LPIN1: variants seen among roughly 807,000 people sequenced by gnomAD.
LPIN1 encodes phosphatidate phosphatase LPIN1.
In LPIN1, 71 loss-of-function variants were observed where a neutral mutation model predicts 107.5. The ratio of observed to expected loss-of-function variants is 0.66; its 90% CI spans 0.55 to 0.80. The LOEUF (loss-of-function observed/expected upper bound fraction) is 0.80, where lower values mean the gene tolerates loss of function less well. Ranked by LOEUF, LPIN1 falls within the 30% of genes least tolerant of loss-of-function variation. The pLI, the probability that LPIN1 is intolerant of heterozygous loss-of-function variation, is 0.00. For synonymous variants in LPIN1, 445 were observed against 452.6 expected (o/e 0.98, Z 0.21); for missense variants, 1,043 against 1,160.6 (o/e 0.90, Z 1.47).
intron 17 of LPIN1, 103 bp downstream of exon 17, chr2:11,805,259 G>C: frequency 1.1e-6 from 1 of 924,536 alleles, no homozygotes. Context: ...GACTTGCAGA[G>C]AGGGCTGCAC....
intron 1 of LPIN1, among the ~76,000 whole-genome samples, chr2:11,732,279 G>A (rs1312969093): frequency 1.6e-4 from 24 of 152,200 alleles, no homozygotes; most frequent in Admixed American, 1.6e-3. Flanking sequence ...ATTTATAACA[G>A]AAAGAAATAC....
At chr2:11,688,501 C>G (rs1662117760) in intron 1 of LPIN1, among the ~76,000 whole-genome samples, 1 of 152,134 alleles carries the variant, frequency 6.6e-6, no homozygotes, top group African/African-American at 2.4e-5. Context: ...TTTTTCAGGC[C>G]CCGCCTGTTC....
intron 2 of LPIN1, among the ~76,000 whole-genome samples, chr2:11,716,683 T>C (rs1017013415): frequency 6.6e-6 from 1 of 152,124 alleles, no homozygotes; most frequent in Admixed American, 6.5e-5. Context: ...TAATTCTCCA[T>C]GGACTGGAGA....
intron 1 of LPIN1, among the ~76,000 whole-genome samples, chr2:11,737,108 A>T (rs1479689884): frequency 1.3e-5 from 2 of 152,282 alleles, no homozygotes; most frequent in African/African-American, 4.8e-5. Flanking sequence ...GATCTTTGAC[A>T]AACCTGACAA....
At chr2:11,783,668 A>T (rs944437769) in intron 8 of LPIN1, among the ~76,000 whole-genome samples, 161 bp from the exon 9 acceptor site, 2 of 152,238 alleles carry the variant, frequency 1.3e-5, no homozygotes, top group African/African-American at 2.4e-5. Context: ...CTGTTTTACC[A>T]GACAAAATAG....
In LPIN1 at chr2:11,786,429, G is replaced by A. The variant is rs947488832; in HGVS notation, c.1550-645G>A. On this transcript the variant is annotated intron_variant, in intron 10 of 20. Coordinates refer to ENST00000674199, the MANE Select transcript of LPIN1 (RefSeq NM_001349206.2). The surrounding 1 kb of genome is among the most constrained non-coding windows in gnomAD (Gnocchi z 4.1). ...AGGTACAGCCCAGCTGCCAGAGCCCGTCAAAGAACTGAGGGTCCGGGGCTG... is the reference window on the plus strand; with the variant it reads ...AGGTACAGCCCAGCTGCCAGAGCCCATCAAAGAACTGAGGGTCCGGGGCTG... 2.0e-5 allele frequency among the ~76,000 whole-genome samples: 3 copies of A among 152,256 alleles called. No individual in the cohort carries two copies. The highest frequency in any genetic ancestry group is 2.1e-4 in the South Asian group (1 of 4,818).
At chr2:11,689,849 G>C (rs1389971082) in intron 1 of LPIN1, among the ~76,000 whole-genome samples, 1 of 152,206 alleles carries the variant, frequency 6.6e-6, no homozygotes, top group Non-Finnish European at 1.5e-5. Flanking sequence ...AGGTTGCAGT[G>C]AGCCAAGATC....
chr2:11,698,550 C>T (rs1301520110), intron 1 of LPIN1, among the ~76,000 whole-genome samples: 2 of 152,090 alleles, frequency 1.3e-5, no homozygotes, highest in South Asian at 2.1e-4. Context: ...GGATCAGGCC[C>T]AGGTTGTTAA....
intron 18 of LPIN1, 117 bp downstream of exon 18, chr2:11,815,357 TCC>T: frequency 8.0e-7 from 1 of 1,251,208 alleles, no homozygotes; most frequent in Non-Finnish European, 1.1e-6. Flanking sequence ...ATATCCATGC[TCC>T]ATAGCAGGCA....
chr2:11,725,104 A>G (rs1664482786), intron 1 of LPIN1, among the ~76,000 whole-genome samples: 1 of 152,112 alleles, frequency 6.6e-6, no homozygotes. Context: ...TACTAAAAAT[A>G]CAAAACATTA....
At chr2:11,680,190 G>A (rs1190980401) in intron 1 of LPIN1, among the ~76,000 whole-genome samples, 1 of 152,214 alleles carries the variant, frequency 6.6e-6, no homozygotes, top group Non-Finnish European at 1.5e-5. Context: ...AGCCCAGGCA[G>A]GGCTGGCTGG....
chr2:11,733,870 G>C (rs1037304010), intron 1 of LPIN1, among the ~76,000 whole-genome samples: 9 of 152,166 alleles, frequency 5.9e-5, no homozygotes, highest in Non-Finnish European at 1.2e-4. Flanking sequence ...GAGCACCCAA[G>C]TTCCATTGTA....
chr2:11,677,851 G>A, intron 1 of LPIN1: 2 of 830,332 alleles, frequency 2.4e-6, no homozygotes, highest in Non-Finnish European at 3.8e-6. Flanking sequence ...TGTTCGGGAT[G>A]GGTTTGTGCA....
intron 15 of LPIN1, 103 bp from the exon 16 acceptor site, chr2:11,804,320 G>A: frequency 1.5e-6 from 2 of 1,316,126 alleles, no homozygotes; most frequent in South Asian, 2.4e-5. Flanking sequence ...GCAGTCACTT[G>A]TTTTTAAAGC....
chr2:11,817,539 A>G (rs1333050587), intron 18 of LPIN1: 1 of 152,194 alleles, frequency 6.6e-6, no homozygotes, highest in African/African-American at 2.4e-5. Context: ...TCTATAGTCC[A>G]CTAAGAATGG....
rs530524364 is a variant in LPIN1, at chr2:11,770,867, G to A, written c.289-505G>A. 1.5e-4 allele frequency among the ~76,000 whole-genome samples: 23 copies of A among 152,214 alleles called. No homozygotes were observed. In the East Asian group the frequency reaches 3.5e-3, roughly 23 times the overall value. ...AGGCAGGTTCTTGGGCGGGGCTATC[G>A]GTTGTTTTACGTGTTTTTGGTTTTT... On this transcript the variant is annotated intron_variant, in intron 3 of 20. Transcript: ENST00000674199.
At chr2:11,686,615 G>A (rs1662016617) in intron 1 of LPIN1, among the ~76,000 whole-genome samples, 1 of 152,074 alleles carries the variant, frequency 6.6e-6, no homozygotes. Context: ...CATGGCCTGG[G>A]CACCACGGGC....
intron 1 of LPIN1, among the ~76,000 whole-genome samples, chr2:11,680,737 G>A (rs551273134): frequency 5.3e-5 from 8 of 152,276 alleles, no homozygotes; most frequent in East Asian, 1.9e-4. Context: ...TCCTTGGGGC[G>A]TTGGGACTTT....
chr2:11,805,149 G>T lies in LPIN1; in HGVS notation c.2242G>T (p.Val748Leu), dbSNP rs148988369. The change falls in exon 17 of 21, where the codon GTG (valine) becomes TTG (leucine). Residue 748 changes from valine (V) to leucine (L), a missense_variant. Val to Leu is a conservative substitution (Grantham distance 32, BLOSUM62 1). Coordinates refer to ENST00000674199, the MANE Select transcript of LPIN1 (RefSeq NM_001349206.2). ...GGGCATCGCTAAGCTGTACCATAAA[G>T]TGAGCCAGTGAGTACAGAGTTCCTG... ...HQGIAKLYHK[V>L]SQNGYKFLYC... is the part of the protein sequence containing the mutation. 3.0e-5 allele frequency: 49 copies of T among 1,612,854 alleles called. No homozygotes were observed. Among genetic ancestry groups the T allele is most frequent in the Non-Finnish European group, 3.9e-5 (46 of 1,178,910 alleles).
Sources: gnomAD v4.1 joint callset for allele counts (sites outside exome capture counted in the v4.1 genomes callset) on GRCh38, gnomAD v4.1.1 for gene constraint, Gnocchi (gnomAD v3.1) non-coding constraint, MANE v1.5 for transcripts, NCBI Gene and HGNC (gene_info 2026-07-23, HGNC 2026-07-21) for gene names.